Variants in TACR3 observed in about 807,000 individuals in gnomAD.
The protein encoded by TACR3 is neuromedin-K receptor.
A neutral mutation model predicts 35.0 loss-of-function variants in TACR3; 34 were observed. The observed-to-expected ratio is 0.97, with a 90% confidence interval of 0.74 to 1.30. TACR3 has a LOEUF of 1.30. Ranked by LOEUF, TACR3 falls within the 50% of genes most tolerant of loss-of-function variation. The probability of loss-of-function intolerance (pLI) is 0.00; values close to 1 mark genes in which losing one functional copy is unlikely to be tolerated. For missense variants in TACR3, 558 were observed against 591.7 expected (o/e 0.94, Z 0.59); for synonymous variants, 233 against 221.1 (o/e 1.05, Z -0.48).
intron 3 of TACR3, among the ~76,000 whole-genome samples, chr4:103,629,313 T>G (rs1196963982): frequency 4.0e-5 from 6 of 151,720 alleles, no homozygotes; most frequent in African/African-American, 1.5e-4. Context: ...GAGAAAGAAA[T>G]AAAGGGTATT....
At chr4:103,606,859 T>C (rs896831210) in intron 3 of TACR3, among the ~76,000 whole-genome samples, 2 of 152,214 alleles carry the variant, frequency 1.3e-5, no homozygotes, top group Non-Finnish European at 2.9e-5. Context: ...CAACACTATG[T>C]TGAATAGGAG....
intron 3 of TACR3, among the ~76,000 whole-genome samples, chr4:103,615,026 C>T (rs1220864717): frequency 1.3e-5 from 2 of 150,918 alleles, no homozygotes; most frequent in African/African-American, 2.4e-5. Context: ...TCCTGAGTAA[C>T]TGGGACTACA....
chr4:103,605,569 T>C (rs894590499), intron 3 of TACR3, among the ~76,000 whole-genome samples: 1 of 151,716 alleles, frequency 6.6e-6, no homozygotes, highest in Non-Finnish European at 1.5e-5. Flanking sequence ...TGCATTTCTC[T>C]GATGGCCAGT....
chr4:103,657,970 G>A (rs1249015683), intron 2 of TACR3, among the ~76,000 whole-genome samples: 1 of 145,728 alleles, frequency 6.9e-6, no homozygotes, highest in Non-Finnish European at 1.6e-5. Context: ...ACTTCCTTCA[G>A]GAAACTCTCC....
At chr4:103,646,488 C>T (rs1056794939) in intron 3 of TACR3, among the ~76,000 whole-genome samples, 1 of 151,890 alleles carries the variant, frequency 6.6e-6, no homozygotes, top group Admixed American at 6.6e-5. Flanking sequence ...TGTTTTATGT[C>T]CAATCATACA....
chr4:103,602,759 CAG>C (rs1724240151), intron 3 of TACR3, among the ~76,000 whole-genome samples: 1 of 152,162 alleles, frequency 6.6e-6, no homozygotes, highest in Admixed American at 6.5e-5. Flanking sequence ...AGTTTTGTCT[CAG>C]AGGAGTACCA....
rs1435469784 is a variant in TACR3 at position 103,589,490 on chromosome 4, T to G, written c.*192A>C. The G allele has an allele frequency of 3.4e-6, 2 of 587,206 alleles. No individual in the cohort carries two copies. The highest frequency in any genetic ancestry group is 5.9e-6 in the Non-Finnish European group (2 of 338,756). 36.4% of individuals were successfully genotyped at this position (587,206 alleles called of 1,614,324 possible). ...AATAAATTTAAAGCCCATTTTATTT[T>G]GGGTGGAGGCTAACATGTTATTAGT... On this transcript the variant is annotated 3_prime_UTR_variant, in exon 5 of 5. Coordinates refer to ENST00000304883, the MANE Select transcript of TACR3 (RefSeq NM_001059.3).
chr4:103,712,273 G>C (rs1014324109), intron 1 of TACR3, among the ~76,000 whole-genome samples: 33 of 152,054 alleles, frequency 2.2e-4, no homozygotes, highest in African/African-American at 6.8e-4. Context: ...AACCAAAACA[G>C]AGATACATAC....
intron 3 of TACR3, among the ~76,000 whole-genome samples, chr4:103,628,913 CA>C (rs1266620450): frequency 6.6e-6 from 1 of 152,124 alleles, no homozygotes; most frequent in African/African-American, 2.4e-5. Context: ...AAACTGAATC[CA>C]GCAGCACATC....
At chr4:103,679,494 C>T (rs1020092274) in intron 1 of TACR3, among the ~76,000 whole-genome samples, 12 of 152,008 alleles carry the variant, frequency 7.9e-5, no homozygotes, top group South Asian at 2.1e-4. Context: ...TTTCCTGAAA[C>T]GGGTGCAAAG....
intron 1 of TACR3, among the ~76,000 whole-genome samples, chr4:103,688,072 A>G (rs867193889): frequency 1.3e-5 from 2 of 152,188 alleles, no homozygotes; most frequent in African/African-American, 4.8e-5. Flanking sequence ...GGAACAGAAC[A>G]GAGCCCTCAG....
chr4:103,629,955 A>T (rs1367542558), intron 3 of TACR3, among the ~76,000 whole-genome samples: 1 of 151,900 alleles, frequency 6.6e-6, no homozygotes, highest in African/African-American at 2.4e-5. Flanking sequence ...CAAGGCTACC[A>T]TAGCCAAAAC....
chr4:103,618,933 C>A (rs143697407), intron 3 of TACR3, among the ~76,000 whole-genome samples: 2 of 151,972 alleles, frequency 1.3e-5, no homozygotes, highest in Non-Finnish European at 2.9e-5. Context: ...GATTTTTGTA[C>A]GTTGATTTTG....
intron 1 of TACR3, among the ~76,000 whole-genome samples, chr4:103,688,648 A>G (rs2110215066): frequency 6.6e-6 from 1 of 151,234 alleles, no homozygotes; most frequent in South Asian, 2.1e-4. Flanking sequence ...ACATGAAAAA[A>G]TGCTCACCAT....
chr4:103,677,336 C>T (rs567368814), intron 1 of TACR3, among the ~76,000 whole-genome samples: 7 of 152,034 alleles, frequency 4.6e-5, no homozygotes, highest in Admixed American at 6.6e-5. Context: ...AAATACTATT[C>T]GACCCAGCAA....
intron 1 of TACR3, among the ~76,000 whole-genome samples, chr4:103,690,943 A>T (rs1722389392): frequency 6.6e-6 from 1 of 152,224 alleles, no homozygotes; most frequent in African/African-American, 2.4e-5. Context: ...ACAATTTTAT[A>T]ATGTCAACTA....
At chr4:103,600,032 A>G (rs1265326064) in intron 3 of TACR3, among the ~76,000 whole-genome samples, 2 of 152,110 alleles carry the variant, frequency 1.3e-5, no homozygotes, top group East Asian at 1.9e-4. Flanking sequence ...AAGGAATGGT[A>G]TCAGCTCCTC....
intron 1 of TACR3, among the ~76,000 whole-genome samples, chr4:103,685,719 C>T (rs1378715274): frequency 2.0e-5 from 3 of 151,790 alleles, no homozygotes; most frequent in African/African-American, 2.4e-5. Flanking sequence ...CCCCCAAAAC[C>T]GAAAAAGAAA....
intron 1 of TACR3, among the ~76,000 whole-genome samples, chr4:103,676,445 A>G (rs1726171483): frequency 6.6e-6 from 1 of 152,218 alleles, no homozygotes; most frequent in South Asian, 2.1e-4. Context: ...TATATTAAAT[A>G]TAATAGTGAA....
Sources: allele counts gnomAD v4.1 joint callset (sites outside exome capture counted in the v4.1 genomes callset), GRCh38; gene constraint gnomAD v4.1.1; transcripts MANE v1.5; gene names NCBI Gene and HGNC (gene_info 2026-07-23, HGNC 2026-07-21).